The following PRKCE variants were observed in gnomAD, a reference collection of about 807,000 sequenced individuals.
PRKCE encodes the protein protein kinase C epsilon.
A neutral mutation model predicts 85.4 loss-of-function variants in PRKCE; 16 were observed. The observed-to-expected ratio is 0.19, with a 90% CI of 0.13 to 0.28. The LOEUF is 0.28. PRKCE is among the 10% of genes least tolerant of loss of function. The probability of loss-of-function intolerance (pLI) is 1.00; values close to 1 mark genes in which losing one functional copy is unlikely to be tolerated. For missense variants in PRKCE, 573 were observed against 975.2 expected, an observed-to-expected ratio of 0.59 and a Z score of 5.49; for synonymous variants, 388 against 371.5, an observed-to-expected ratio of 1.04 and a Z score of -0.51.
chr2:45,818,414 G>A (rs561111337), intron 1 of PRKCE, among the ~76,000 whole-genome samples: 54 of 152,212 alleles, frequency 3.5e-4, no homozygotes, highest in African/African-American at 1.1e-3. Flanking sequence ...ATACCCCACC[G>A]GAAGTTTTAG....
In PRKCE at chr2:46,107,402, G is replaced by A. The variant is rs1671831327; in HGVS notation, c.1592+21040G>A. On this transcript the variant is annotated intron_variant, in intron 11 of 14. Coordinates refer to ENST00000306156, the MANE Select transcript of PRKCE (RefSeq NM_005400.3). ...TCATGCCTGTAATCCCAGCACTTTG[G>A]GAGGCCGAGGCGGGCAGATATTCCA... Among the ~76,000 whole-genome samples the A allele has an allele frequency of 1.3e-5, 2 of 152,158 alleles. 1 individual carries two copies. Among genetic ancestry groups the A allele is most frequent in the South Asian group, 4.1e-4 (2 of 4,824 alleles).
intron 2 of PRKCE, among the ~76,000 whole-genome samples, chr2:45,949,511 C>T (rs756433391): frequency 1.5e-5 from 2 of 136,194 alleles, no homozygotes; most frequent in African/African-American, 2.8e-5. Context: ...TGTCTTTTCT[C>T]GGTATCTTTT....
chr2:46,097,493 C>G (rs1225690644), intron 11 of PRKCE, among the ~76,000 whole-genome samples: 1 of 135,138 alleles, frequency 7.4e-6, no homozygotes, highest in Non-Finnish European at 1.7e-5. Flanking sequence ...GCATTCCAGC[C>G]TGGGAGACAG....
chr2:45,753,236 C>T (rs555416179), intron 1 of PRKCE, among the ~76,000 whole-genome samples: 47 of 152,268 alleles, frequency 3.1e-4, no homozygotes, highest in African/African-American at 1.1e-3. Flanking sequence ...CACCCTCCTC[C>T]CCATGTTTCT....
chr2:45,708,035 G>C (rs1276075346), intron 1 of PRKCE, among the ~76,000 whole-genome samples: 1 of 152,216 alleles, frequency 6.6e-6, no homozygotes, highest in African/African-American at 2.4e-5. Flanking sequence ...CATGAGGAAT[G>C]CTGGGATGCT....
chr2:46,116,925 G>A (rs970049132), intron 11 of PRKCE, among the ~76,000 whole-genome samples: 2 of 152,140 alleles, frequency 1.3e-5, no homozygotes, highest in African/African-American at 4.8e-5. Context: ...AGAATTGCAG[G>A]GTGGTTTCTC....
At chr2:45,854,010 C>G (rs1692480755) in intron 2 of PRKCE, among the ~76,000 whole-genome samples, 1 of 152,228 alleles carries the variant, frequency 6.6e-6, no homozygotes, top group Admixed American at 6.5e-5. Flanking sequence ...GTTCATGACA[C>G]TGGATTTGCC....
intron 10 of PRKCE, 58 bp downstream of exon 10, chr2:46,010,575 A>G (rs1173515836): frequency 1.3e-6 from 2 of 1,597,982 alleles, no homozygotes; most frequent in Non-Finnish European, 1.7e-6. Flanking sequence ...TATCAGATAA[A>G]ATACCAATTT....
At chr2:45,953,553 C>G (rs1364709038) in intron 2 of PRKCE, among the ~76,000 whole-genome samples, 2 of 152,176 alleles carry the variant, frequency 1.3e-5, no homozygotes. Context: ...GACATTGAAC[C>G]CAAAACACTC....
chr2:46,080,649 C>T (rs1428586209), intron 10 of PRKCE, among the ~76,000 whole-genome samples: 1 of 152,138 alleles, frequency 6.6e-6, no homozygotes, highest in African/African-American at 2.4e-5. Flanking sequence ...TCATGGTGCT[C>T]CCTGGAGTGA....
rs529970878 is a variant in PRKCE at position 45,888,509 on chromosome 2, G to A, written c.412+45446G>A. Reference sequence around the variant, plus strand: ...TTTTTTGAGCTGGAGTTTCATTCTTGTCACCCAGGCTGGACTGCAATGGCG... The same window carrying A: ...TTTTTTGAGCTGGAGTTTCATTCTTATCACCCAGGCTGGACTGCAATGGCG... On this transcript the variant is annotated intron_variant, in intron 2 of 14. Coordinates refer to ENST00000306156, the MANE Select transcript of PRKCE (RefSeq NM_005400.3). Among the ~76,000 whole-genome samples the A allele has an allele frequency of 9.5e-5, 6 of 63,420 alleles. No homozygotes were observed. In the South Asian group the frequency reaches 3.4e-3, roughly 35 times the overall value. 41.6% of individuals were successfully genotyped at this position (63,420 alleles called of 152,430 possible).
intron 11 of PRKCE, among the ~76,000 whole-genome samples, chr2:46,105,439 T>G (rs1201520596): frequency 1.6e-5 from 2 of 126,600 alleles, no homozygotes; most frequent in Non-Finnish European, 3.4e-5. Context: ...ACAAATTATC[T>G]TTATCTTTCC....
chr2:46,114,699 A>G (rs569276078), intron 11 of PRKCE, among the ~76,000 whole-genome samples: 405 of 147,582 alleles, frequency 2.7e-3, no homozygotes, highest in African/African-American at 9.8e-3. Flanking sequence ...GATTACAGGC[A>G]TGAGCCACCG....
chr2:45,925,576 G>A (rs1461281299), intron 2 of PRKCE, among the ~76,000 whole-genome samples: 3 of 152,146 alleles, frequency 2.0e-5, no homozygotes, highest in Non-Finnish European at 4.4e-5. Context: ...GATTACAGGC[G>A]TGAACCACCG....
chr2:45,953,924 G>A (rs954474299), intron 2 of PRKCE, among the ~76,000 whole-genome samples: 3 of 152,156 alleles, frequency 2.0e-5, no homozygotes, highest in Non-Finnish European at 4.4e-5. Flanking sequence ...CACAGAGGAA[G>A]TCAAATTTTC....
At chr2:46,144,596 T>A (rs1205276366) in intron 11 of PRKCE, among the ~76,000 whole-genome samples, 1 of 152,208 alleles carries the variant, frequency 6.6e-6, no homozygotes, top group Non-Finnish European at 1.5e-5. Flanking sequence ...CACTAGCTGT[T>A]TGTGGTCTCC....
rs560356848 is a variant in PRKCE, at chr2:46,059,123, T to C, written c.1438-27085T>C. Among the ~76,000 whole-genome samples the C allele has an allele frequency of 2.0e-5, 3 of 152,244 alleles. No homozygotes were observed. In the South Asian group the frequency reaches 6.2e-4, roughly 32 times the overall value. ...AAAATTAGCTGAGCTTTGTGGTGCTTGTTTGTGGTCCCAGCTACTTGGGAG... is the reference window on the plus strand; with the variant it reads ...AAAATTAGCTGAGCTTTGTGGTGCTCGTTTGTGGTCCCAGCTACTTGGGAG... On this transcript the variant is annotated intron_variant, in intron 10 of 14. Coordinates refer to ENST00000306156, the MANE Select transcript of PRKCE (RefSeq NM_005400.3).
At chr2:46,149,783 G>A (rs1195235323) in intron 12 of PRKCE, among the ~76,000 whole-genome samples, 2 of 150,574 alleles carry the variant, frequency 1.3e-5, no homozygotes, top group Non-Finnish European at 3.0e-5. Context: ...ATTTATATGT[G>A]CGTGTGTGTG....
intron 1 of PRKCE, among the ~76,000 whole-genome samples, chr2:45,816,975 A>AG (rs1267159659): frequency 2.0e-5 from 3 of 152,196 alleles, no homozygotes; most frequent in African/African-American, 7.2e-5. Flanking sequence ...TAATAACAGT[A>AG]GGTGTTACTA....
Sources: allele counts gnomAD v4.1 joint callset (sites outside exome capture counted in the v4.1 genomes callset), GRCh38; gene constraint gnomAD v4.1.1; transcripts MANE v1.5; gene names NCBI Gene and HGNC (gene_info 2026-07-23, HGNC 2026-07-21).